DPP6: variants seen among roughly 807,000 people sequenced by gnomAD.
DPP6 encodes the protein A-type potassium channel modulatory protein DPP6.
In DPP6, 69 loss-of-function variants were observed where a neutral mutation model predicts 122.6. The ratio of observed to expected loss-of-function variants is 0.56; its 90% CI spans 0.46 to 0.69. The LOEUF is 0.69. Among genes scored for constraint, DPP6 ranks in the 30% least tolerant of loss-of-function variants. DPP6 has a pLI of 0.00. For synonymous variants in DPP6, 418 were observed against 433.1 expected (o/e 0.97, Z 0.43); for missense variants, 928 against 1,116.9 (o/e 0.83, Z 2.41).
At chr7:154,120,271 G>T (rs1807351034) in intron 1 of DPP6, among the ~76,000 whole-genome samples, 1 of 148,970 alleles carries the variant, frequency 6.7e-6, no homozygotes, top group Non-Finnish European at 1.5e-5. Flanking sequence ...CTGAGACAGA[G>T]TCTCGCTCTG....
At chr7:154,700,709 C>T (rs1047369170) in intron 7 of DPP6, among the ~76,000 whole-genome samples, 2 of 151,892 alleles carry the variant, frequency 1.3e-5, no homozygotes, top group African/African-American at 2.4e-5. Context: ...CAGGATAGGG[C>T]GGTGGCCCCT....
At chr7:154,178,567 A>G (rs1007276161) in intron 1 of DPP6, among the ~76,000 whole-genome samples, 2 of 152,164 alleles carry the variant, frequency 1.3e-5, no homozygotes, top group African/African-American at 4.8e-5. Flanking sequence ...GTGCTCTGCA[A>G]CATAGGCGAG....
intron 5 of DPP6, among the ~76,000 whole-genome samples, chr7:154,581,732 C>A (rs2130669138): frequency 6.6e-6 from 1 of 152,368 alleles, no homozygotes; most frequent in African/African-American, 2.4e-5. Flanking sequence ...GGTGCAGGGA[C>A]TTCTGGCCTG....
intron 8 of DPP6, among the ~76,000 whole-genome samples, chr7:154,752,417 G>A (rs1843439716): frequency 6.6e-6 from 1 of 152,164 alleles, no homozygotes; most frequent in Non-Finnish European, 1.5e-5. Flanking sequence ...TCAAGATAGA[G>A]TTGGTTTTAA....
rs1585858183 is a variant in DPP6, at chr7:154,296,729, A to G, written c.244-149485A>G. ...ACATGATGCACCTGTTTATTCAAAC[A>G]CATACATTTGAGTACTAACTGTAAG... is the stretch of plus-strand genomic sequence containing the variant. On this transcript the variant is annotated intron_variant, in intron 1 of 25. Coordinates refer to ENST00000377770, the MANE Select transcript of DPP6 (RefSeq NM_130797.4). 2.0e-5 allele frequency among the ~76,000 whole-genome samples: 3 copies of G among 152,388 alleles called. No homozygotes were observed. The East Asian group carries it at 5.8e-4, about 29-fold the overall frequency.
intron 1 of DPP6, among the ~76,000 whole-genome samples, chr7:154,443,376 T>C (rs1428607974): frequency 6.6e-6 from 1 of 152,214 alleles, no homozygotes; most frequent in Non-Finnish European, 1.5e-5. Context: ...ATGAAAGCCA[T>C]TCAACTTCTG....
At chr7:154,512,960 A>C (rs969741925) in intron 3 of DPP6, among the ~76,000 whole-genome samples, 2 of 152,152 alleles carry the variant, frequency 1.3e-5, no homozygotes, top group African/African-American at 2.4e-5. Context: ...AACCATCTTC[A>C]ATTTTGTGGT....
At chr7:154,466,174 G>A (rs1467116595) in intron 2 of DPP6, among the ~76,000 whole-genome samples, 1 of 152,004 alleles carries the variant, frequency 6.6e-6, no homozygotes, top group Non-Finnish European at 1.5e-5. Flanking sequence ...ATGGGCACAG[G>A]GAGGGGAACA....
chr7:153,884,936 C>T (rs896818179), upstream of DPP6, among the ~76,000 whole-genome samples: 24 of 149,956 alleles, frequency 1.6e-4, 1 homozygote, highest in East Asian at 3.4e-3. Flanking sequence ...GCCGAGATCA[C>T]GCCACTGGAC....
intron 2 of DPP6, among the ~76,000 whole-genome samples, chr7:154,456,564 G>C (rs1044675775): frequency 9.3e-5 from 9 of 96,788 alleles, no homozygotes; most frequent in Admixed American, 3.7e-4. Flanking sequence ...TAAAAAATGC[G>C]CCCCCCCCAC....
At chr7:154,364,838 C>T (rs907578195) in intron 1 of DPP6, among the ~76,000 whole-genome samples, 2 of 152,152 alleles carry the variant, frequency 1.3e-5, no homozygotes, top group Non-Finnish European at 2.9e-5. Flanking sequence ...GGAACCGGCA[C>T]AGTAGTTGTC....
intron 5 of DPP6, among the ~76,000 whole-genome samples, chr7:154,620,092 C>T (rs748118006): frequency 6.6e-6 from 1 of 152,208 alleles, no homozygotes; most frequent in Non-Finnish European, 1.5e-5. Context: ...CTGAGGACCA[C>T]GCCTTGAAAG....
At chr7:153,797,496 T>C in the DPP6 span, among the ~76,000 whole-genome samples, 1 of 152,258 alleles carries the variant, frequency 6.6e-6, no homozygotes, top group South Asian at 2.1e-4. Flanking sequence ...CATAATATAC[T>C]GTAGGAGGAA....
chr7:154,033,576 T>C (rs1280746515), intron 1 of DPP6, among the ~76,000 whole-genome samples: 1 of 152,236 alleles, frequency 6.6e-6, no homozygotes, highest in Admixed American at 6.5e-5. Context: ...GCTGCAAGGC[T>C]TTACATCCTC....
chr7:154,619,238 A>T (rs184664070), intron 5 of DPP6, among the ~76,000 whole-genome samples: 165 of 152,342 alleles, frequency 1.1e-3, no homozygotes, highest in Middle Eastern at 6.8e-3. Flanking sequence ...TTGGCACAGC[A>T]TAGGCACTCC....
the DPP6 span, among the ~76,000 whole-genome samples, chr7:153,758,741 C>T: frequency 1.3e-5 from 2 of 150,774 alleles, no homozygotes; most frequent in African/African-American, 2.4e-5. Flanking sequence ...TGATTGTATG[C>T]CTATACCATG....
At chr7:154,782,084 T>C (rs1250238319) in intron 10 of DPP6, among the ~76,000 whole-genome samples, 1 of 152,218 alleles carries the variant, frequency 6.6e-6, no homozygotes, top group Non-Finnish European at 1.5e-5. Flanking sequence ...ACGTAATCCA[T>C]GGCAGTCCCC....
At chr7:154,424,417 C>A (rs867202050) in intron 1 of DPP6, among the ~76,000 whole-genome samples, 11 of 152,186 alleles carry the variant, frequency 7.2e-5, no homozygotes, top group Non-Finnish European at 1.5e-4. Flanking sequence ...AGCAGGGAAT[C>A]TGTTTCCTGC....
At chr7:154,705,555 A>T (rs749647263) in intron 7 of DPP6, among the ~76,000 whole-genome samples, 2 of 152,186 alleles carry the variant, frequency 1.3e-5, no homozygotes, top group Non-Finnish European at 2.9e-5. Context: ...AGGCATGAGA[A>T]TACCTGACCC....
Sources: gnomAD v4.1 joint callset for allele counts (sites outside exome capture counted in the v4.1 genomes callset) on GRCh38, gnomAD v4.1.1 for gene constraint, MANE v1.5 for transcripts, NCBI Gene and HGNC (gene_info 2026-07-23, HGNC 2026-07-21) for gene names.